CCDC127: variants seen among roughly 807,000 people sequenced by gnomAD.
The protein encoded by CCDC127 is coiled-coil domain-containing protein 127.
Under a neutral mutation model 4.1 loss-of-function variants are expected in CCDC127, and 2 were observed. That is an observed-to-expected ratio of 0.49 (90% CI 0.20 to 1.53). The LOEUF is 1.53. Among genes scored for constraint, CCDC127 ranks in the 40% most tolerant of loss-of-function variants. CCDC127 has a pLI of 0.23. For missense variants in CCDC127, 271 were observed against 322.9 expected, an observed-to-expected ratio of 0.84 and a Z score of 1.23; for synonymous variants, 98 against 120.4, an observed-to-expected ratio of 0.81 and a Z score of 1.22.
chr5:213,921 C>T (rs1734327465), intron 2 of CCDC127: 1 of 152,204 alleles, frequency 6.6e-6, no homozygotes. Flanking sequence ...TTATTCATAA[C>T]AGCTGAAAAC....
intron 2 of CCDC127, among the ~76,000 whole-genome samples, chr5:213,621 C>T (rs997369298): frequency 6.7e-6 from 1 of 148,780 alleles, no homozygotes; most frequent in African/African-American, 2.5e-5. Context: ...CGCTGATGCT[C>T]GACATTGCAC....
rs1466658862 is a variant in CCDC127, at chr5:202,222, C to T, written c.*3075G>A. 6.6e-6 allele frequency: 1 copy of T among 152,258 alleles called. No individual in the cohort carries two copies. The highest frequency in any genetic ancestry group is 2.4e-5 in the African/African-American group (1 of 41,468). 9.4% of individuals were successfully genotyped at this position (152,258 alleles called of 1,614,324 possible). ...ATTTCAAAAGAGGGTGGCCTCACATCAACACTCAAACTTGCTGATGGAAGG... is the reference window on the plus strand; with the variant it reads ...ATTTCAAAAGAGGGTGGCCTCACATTAACACTCAAACTTGCTGATGGAAGG... On this transcript the variant is annotated 3_prime_UTR_variant, in exon 3 of 3. Coordinates refer to ENST00000296824, the MANE Select transcript of CCDC127 (RefSeq NM_145265.3).
At chr5:210,039 G>A (rs908879637) in intron 2 of CCDC127, among the ~76,000 whole-genome samples, 25 of 152,208 alleles carry the variant, frequency 1.6e-4, no homozygotes, top group Non-Finnish European at 2.5e-4. Flanking sequence ...GTCAGGGACC[G>A]TCCAACAGAG....
At chr5:212,378 A>G (rs1734298199) in intron 2 of CCDC127, among the ~76,000 whole-genome samples, 1 of 37,846 alleles carries the variant, frequency 2.6e-5, no homozygotes, top group Non-Finnish European at 5.4e-5. Flanking sequence ...GACATCGCAC[A>G]CTGCAGCCAT....
rs1457563615 is a variant in CCDC127 at position 218,088 on chromosome 5, T to C, written c.-11+5A>G. ...ACCACCTCCCCGGAACAGGGCCCGC[T>C]CTACCTCGGTCGGGGAGCGCGGGAC... On this transcript the variant is annotated splice_donor_5th_base_variant and intron_variant, in intron 1 of 2. Coordinates refer to ENST00000296824, the MANE Select transcript of CCDC127 (RefSeq NM_145265.3). 1.7e-6 allele frequency: 2 copies of C among 1,190,066 alleles called. No homozygotes were observed. Among genetic ancestry groups the C allele is most frequent in the Non-Finnish European group, 1.0e-6 (1 of 959,072 alleles). The allele number at this position is 1,190,066 out of a possible 1,614,324, so 73.7% of individuals were successfully genotyped here. A position where few individuals can be genotyped will look rare whatever the true frequency, so the allele number is the denominator to read the frequency against.
At chr5:210,131 T>G (rs1579360548) in intron 2 of CCDC127, among the ~76,000 whole-genome samples, 1 of 152,322 alleles carries the variant, frequency 6.6e-6, no homozygotes, top group East Asian at 1.9e-4. Context: ...ACAACTAAAG[T>G]CTTACTCCTT....
At chr5:215,331 G>C (rs763549912) in intron 2 of CCDC127, 16 of 152,108 alleles carry the variant, frequency 1.1e-4, no homozygotes, top group Non-Finnish European at 1.5e-5. Context: ...CATTTCAAAA[G>C]TCCAAGAAGG....
Position 201,132 on chromosome 5 carries a change from G to A in CCDC127, c.*4165C>T, listed in dbSNP as rs1734068942. 6.6e-6 allele frequency: 1 copy of A among 152,282 alleles called. No individual in the cohort carries two copies. The highest frequency in any genetic ancestry group is 2.4e-5 in the African/African-American group (1 of 41,438). The allele number at this position is 152,282 out of a possible 1,614,324, so 9.4% of individuals were successfully genotyped here. ...GGGCAGCTGCCCCCCCAAACACCCTGGCTCCTCCCAACATCGCACGGGCTG... is the reference window on the plus strand; with the variant it reads ...GGGCAGCTGCCCCCCCAAACACCCTAGCTCCTCCCAACATCGCACGGGCTG... On this transcript the variant is annotated 3_prime_UTR_variant, in exon 3 of 3. Transcript: ENST00000296824.
intron 2 of CCDC127, among the ~76,000 whole-genome samples, chr5:208,746 G>A (rs1579359852): frequency 2.0e-5 from 3 of 152,256 alleles, no homozygotes; most frequent in African/African-American, 7.2e-5. Context: ...AGGCTGCGTG[G>A]CCCTTCCCCT....
At chr5:217,013 C>T (rs1734412673) in intron 1 of CCDC127, 154 bp from the exon 2 acceptor site, 1 of 540,924 alleles carries the variant, frequency 1.8e-6, no homozygotes, top group Admixed American at 3.2e-5. Context: ...CACCTGTAGT[C>T]CCAGCTACTC....
intron 2 of CCDC127, chr5:214,253 A>T: frequency 6.6e-6 from 1 of 152,212 alleles, no homozygotes; most frequent in Non-Finnish European, 1.5e-5. Flanking sequence ...ATCCTGGCAG[A>T]TGTCTTGGCT....
At chr5:206,738 A>G (rs190501821) in intron 2 of CCDC127, among the ~76,000 whole-genome samples, 273 of 152,356 alleles carry the variant, frequency 1.8e-3, no homozygotes, top group Non-Finnish European at 2.4e-3. Context: ...ATGCTGCTCA[A>G]TAATTTCATG....
In CCDC127 at chr5:197,291, T is replaced by TTC. The variant is rs1553994661; in HGVS notation, c.*8005_*8006insGA. 3.3e-5 allele frequency: 5 copies of TTC among 152,100 alleles called. No homozygotes were observed. Among genetic ancestry groups the TTC allele is most frequent in the African/African-American group, 9.7e-5 (4 of 41,414 alleles). The allele number at this position is 152,100 out of a possible 1,614,324, so 9.4% of individuals were successfully genotyped here. A position where few individuals can be genotyped will look rare whatever the true frequency, so the allele number is the denominator to read the frequency against. On this transcript the variant is annotated 3_prime_UTR_variant, in exon 3 of 3. Transcript: ENST00000296824. ...AGCGGCGAGCAGGAGACAGTGGACT[T>TTC]CTCTCTCTCAACTGCAAGAGGCTTT...
intron 2 of CCDC127, chr5:215,845 A>G (rs1458045981): frequency 6.6e-6 from 1 of 152,076 alleles, no homozygotes; most frequent in Non-Finnish European, 1.5e-5. Context: ...GAACCATGGA[A>G]TGTGAAGAAA....
chr5:217,968 C>A (rs147928026), intron 1 of CCDC127, 125 bp downstream of exon 1: 390 of 482,506 alleles, frequency 8.1e-4, no homozygotes, highest in African/African-American at 7.4e-3. Flanking sequence ...CGAGCGCCCC[C>A]CTCCGACCCC....
Position 197,039 on chromosome 5 carries a change from G to GAGCAAAAGAATCTA in CCDC127, c.*8244_*8257dup, listed in dbSNP as rs1451128123. On this transcript the variant is annotated 3_prime_UTR_variant, in exon 3 of 3. Coordinates refer to ENST00000296824, the MANE Select transcript of CCDC127 (RefSeq NM_145265.3). ...AAGGAGGAGGTCAGCAAAAACGTGT[G>GAGCAAAAGAATCTA]AGCAAAAGAATCTATGTCGTAATTA... 1.3e-5 allele frequency: 2 copies of GAGCAAAAGAATCTA among 151,198 alleles called. No homozygotes were observed. Among genetic ancestry groups the GAGCAAAAGAATCTA allele is most frequent in the East Asian group, 3.9e-4 (2 of 5,162 alleles). The allele number at this position is 151,198 out of a possible 1,614,324, so 9.4% of individuals were successfully genotyped here. A position where few individuals can be genotyped will look rare whatever the true frequency, so the allele number is the denominator to read the frequency against.
Position 205,207 on chromosome 5 carries a change from G to T in CCDC127, c.*90C>A. On this transcript the variant is annotated 3_prime_UTR_variant, in exon 3 of 3. Coordinates refer to ENST00000296824, the MANE Select transcript of CCDC127 (RefSeq NM_145265.3). Reference sequence around the variant, plus strand: ...GGGTGACGGTGTGGCCATGACACGGGCAGCACGGGAACGGAAGACGCCGGA... The same window carrying T: ...GGGTGACGGTGTGGCCATGACACGGTCAGCACGGGAACGGAAGACGCCGGA... 1.7e-6 allele frequency: 2 copies of T among 1,209,278 alleles called. No homozygotes were observed. The highest frequency in any genetic ancestry group is 2.3e-6 in the Non-Finnish European group (2 of 853,690). 74.9% of individuals were successfully genotyped at this position (1,209,278 alleles called of 1,614,324 possible). A position where few individuals can be genotyped will look rare whatever the true frequency, so the allele number is the denominator to read the frequency against.
intron 2 of CCDC127, 49 bp downstream of exon 2, chr5:216,680 C>T (rs1734395223): frequency 1.9e-6 from 3 of 1,612,990 alleles, no homozygotes; most frequent in Non-Finnish European, 2.5e-6. Context: ...CACCGGGGCT[C>T]CACACTCTCA....
rs201825834 is a variant in CCDC127, at chr5:196,885, G to T, written c.*8412C>A. 2 of 149,870 alleles carry T rather than the reference G, an allele frequency of 1.3e-5. No homozygotes were observed. The highest frequency in any genetic ancestry group is 3.0e-5 in the Non-Finnish European group (2 of 67,394). The allele number at this position is 149,870 out of a possible 1,614,324, so 9.3% of individuals were successfully genotyped here. On this transcript the variant is annotated 3_prime_UTR_variant, in exon 3 of 3. Transcript: ENST00000296824. The stretch of plus-strand genomic sequence containing the variant: ...ACACAAAGTATAGAGAAACAACAGT[G>T]GGCCCAGGGGACCGGCGCTCAGCAT...
Sources: gnomAD v4.1 joint callset for allele counts (sites outside exome capture counted in the v4.1 genomes callset) on GRCh38, gnomAD v4.1.1 for gene constraint, MANE v1.5 for transcripts, NCBI Gene and HGNC (gene_info 2026-07-23, HGNC 2026-07-21) for gene names.